The following COG5 variants were observed in gnomAD, a reference collection of about 807,000 sequenced individuals.
COG5 encodes the protein conserved oligomeric Golgi complex subunit 5.
COG5 carries 86 observed loss-of-function variants against 110.4 expected under a neutral mutation model. The ratio of observed to expected loss-of-function variants is 0.78; its 90% confidence interval spans 0.65 to 0.93. The LOEUF (loss-of-function observed/expected upper bound fraction) is 0.93. Ranked by LOEUF, COG5 falls within the 40% of genes least tolerant of loss-of-function variation. The pLI is 0.00. For missense variants in COG5, 1,077 were observed against 987.0 expected, an observed-to-expected ratio of 1.09 and a Z score of -1.22; for synonymous variants, 360 against 334.6, an observed-to-expected ratio of 1.08 and a Z score of -0.83.
At chr7:107,258,935 A>G (rs1202845569) in intron 14 of COG5, among the ~76,000 whole-genome samples, 1 of 152,126 alleles carries the variant, frequency 6.6e-6, no homozygotes, top group Non-Finnish European at 1.5e-5. Context: ...ACACTAATGA[A>G]ATGAATTGTG....
intron 12 of COG5, among the ~76,000 whole-genome samples, chr7:107,292,661 T>C (rs1168080504): frequency 6.6e-6 from 1 of 152,138 alleles, no homozygotes; most frequent in Non-Finnish European, 1.5e-5. Flanking sequence ...ACTCAGGATC[T>C]GAAGAAACTC....
At chr7:107,361,723 G>A (rs1208255846) in intron 10 of COG5, among the ~76,000 whole-genome samples, 8 of 151,926 alleles carry the variant, frequency 5.3e-5, no homozygotes, top group East Asian at 3.9e-4. Context: ...CACCACGCCC[G>A]GCTAATTTTT....
intron 3 of COG5, among the ~76,000 whole-genome samples, chr7:107,549,637 C>T (rs1584956900): frequency 6.6e-6 from 1 of 151,178 alleles, no homozygotes; most frequent in Admixed American, 6.6e-5. Flanking sequence ...CTCCTGACCT[C>T]GTGATCCACC....
intron 6 of COG5, among the ~76,000 whole-genome samples, chr7:107,449,117 T>A (rs928256229): frequency 1.3e-5 from 2 of 151,562 alleles, no homozygotes; most frequent in African/African-American, 4.9e-5. Context: ...TAAGTGGGAG[T>A]TGAACAATAA....
chr7:107,274,824 T>C (rs147062851), intron 14 of COG5, among the ~76,000 whole-genome samples: 2 of 152,286 alleles, frequency 1.3e-5, no homozygotes, highest in African/African-American at 2.4e-5. Context: ...CTCTTGAAAA[T>C]ATTGTCATTG....
intron 6 of COG5, among the ~76,000 whole-genome samples, chr7:107,494,886 CA>C (rs1386586884): frequency 6.6e-6 from 1 of 152,076 alleles, no homozygotes; most frequent in Non-Finnish European, 1.5e-5. Flanking sequence ...GGAATCAGGG[CA>C]GGCAGAGTAG....
At chr7:107,378,357 C>T (rs530811786) in intron 7 of COG5, among the ~76,000 whole-genome samples, 1 of 152,240 alleles carries the variant, frequency 6.6e-6, no homozygotes, top group South Asian at 2.1e-4. Context: ...AACCAGAATG[C>T]CTCTTCTCTT....
intron 17 of COG5, 112 bp downstream of exon 17, chr7:107,248,283 CA>C: frequency 2.7e-6 from 2 of 749,598 alleles, no homozygotes; most frequent in Non-Finnish European, 4.8e-6. Flanking sequence ...AATGCCATCA[CA>C]AAAGGAACAA....
At chr7:107,380,145 T>C (rs117276328) in intron 7 of COG5, among the ~76,000 whole-genome samples, 13,658 of 151,834 alleles carry the variant, frequency 0.09, 920 homozygotes, top group African/African-American at 0.19. Context: ...ACAGACACAA[T>C]GTACCAGAAA....
At chr7:107,412,048 G>A (rs1321231735) in intron 7 of COG5, among the ~76,000 whole-genome samples, 2 of 152,036 alleles carry the variant, frequency 1.3e-5, no homozygotes, top group Admixed American at 6.5e-5. Context: ...AAAGTTCTGG[G>A]ACTAGAGTGA....
intron 1 of COG5, among the ~76,000 whole-genome samples, chr7:107,559,292 T>G (rs994085572): frequency 7.9e-5 from 12 of 152,020 alleles, no homozygotes; most frequent in Non-Finnish European, 1.5e-4. Flanking sequence ...AAAGAAAAAT[T>G]AAGAGAATTG....
rs532136657 is a variant in COG5, at chr7:107,421,570, C to T, written c.539-8938G>A. Reference sequence around the variant, plus strand: ...CTTTGGGAGGCCGAGGCAGGCTGATCACTTGAGGTCAGGAGTTCAAGACCA... The same window carrying T: ...CTTTGGGAGGCCGAGGCAGGCTGATTACTTGAGGTCAGGAGTTCAAGACCA... On this transcript the variant is annotated intron_variant, in intron 6 of 21. Coordinates refer to ENST00000297135, the MANE Select transcript of COG5 (RefSeq NM_006348.5). 1.6e-3 allele frequency among the ~76,000 whole-genome samples: 236 copies of T among 152,122 alleles called. 2 individuals are homozygous for T. The highest frequency in any genetic ancestry group is 1.8e-3 in the Non-Finnish European group (125 of 68,020).
intron 1 of COG5, among the ~76,000 whole-genome samples, chr7:107,561,426 TG>T (rs1250932332): frequency 6.6e-6 from 1 of 152,156 alleles, no homozygotes; most frequent in Non-Finnish European, 1.5e-5. Context: ...TACAGGAACC[TG>T]GAAAAGAGCA....
chr7:107,378,435 C>T (rs900371472), intron 7 of COG5, among the ~76,000 whole-genome samples: 1 of 152,120 alleles, frequency 6.6e-6, no homozygotes, highest in Non-Finnish European at 1.5e-5. Flanking sequence ...GATGAAATGA[C>T]AGAAGCAGGC....
At chr7:107,359,303 G>A (rs1460234888) in intron 10 of COG5, among the ~76,000 whole-genome samples, 1 of 152,196 alleles carries the variant, frequency 6.6e-6, no homozygotes, top group Non-Finnish European at 1.5e-5. Context: ...CCAGGTGTGT[G>A]CAGACTCAGG....
chr7:107,477,164 T>C (rs1797042980), intron 6 of COG5, among the ~76,000 whole-genome samples: 1 of 151,656 alleles, frequency 6.6e-6, no homozygotes. Context: ...GTAAATACAT[T>C]TGGCACAGAC....
At chr7:107,224,187 T>C (rs1429771668) in intron 19 of COG5, among the ~76,000 whole-genome samples, 1 of 152,108 alleles carries the variant, frequency 6.6e-6, no homozygotes, top group Non-Finnish European at 1.5e-5. Context: ...AAAGACAGAA[T>C]GCATCTGGAG....
chr7:107,553,425 TAA>T (rs1251999799), intron 3 of COG5, among the ~76,000 whole-genome samples: 2 of 152,224 alleles, frequency 1.3e-5, no homozygotes, highest in African/African-American at 2.4e-5. Context: ...ATGCTGAGAA[TAA>T]GTTAGTATCT....
chr7:107,275,080 G>A (rs1266810922), intron 14 of COG5, among the ~76,000 whole-genome samples: 2 of 152,126 alleles, frequency 1.3e-5, no homozygotes, highest in African/African-American at 4.8e-5. Flanking sequence ...GGTATAGCCA[G>A]TGTGTCAGGC....
Sources: allele counts gnomAD v4.1 joint callset (sites outside exome capture counted in the v4.1 genomes callset), GRCh38; gene constraint gnomAD v4.1.1; transcripts MANE v1.5; gene names NCBI Gene and HGNC (gene_info 2026-07-23, HGNC 2026-07-21).